The following CES5A variants were observed in gnomAD, a reference collection of about 807,000 sequenced individuals.
CES5A encodes carboxylesterase 5.
CES5A carries 67 observed loss-of-function variants against 62.9 expected under a neutral mutation model. That is an observed-to-expected ratio of 1.07 (90% CI 0.88 to 1.31). The LOEUF (loss-of-function observed/expected upper bound fraction) is 1.31, where lower values mean the gene tolerates loss of function less well. Ranked by LOEUF, CES5A falls within the 50% of genes most tolerant of loss-of-function variation. The pLI is 0.00. For synonymous variants in CES5A, 296 were observed against 280.8 expected (o/e 1.05, Z -0.54); for missense variants, 748 against 708.5 (o/e 1.06, Z -0.63).
At chr16:55,915,809 T>C (rs1396498652) in intron 1 of CES5A, among the ~76,000 whole-genome samples, 2 of 152,222 alleles carry the variant, frequency 1.3e-5, no homozygotes, top group African/African-American at 4.8e-5. Context: ...GCATGATGTC[T>C]GACTTGATGA....
chr16:55,944,256 C>A, intron 2 of CES5A: 1 of 608,808 alleles, frequency 1.6e-6, no homozygotes. Flanking sequence ...TTTTGCCTCA[C>A]CCATAAAATG....
chr16:55,904,274 G>A (rs1398113354), intron 1 of CES5A, among the ~76,000 whole-genome samples: 1 of 152,236 alleles, frequency 6.6e-6, no homozygotes, highest in Non-Finnish European at 1.5e-5. Context: ...CCAAAGCCAA[G>A]GCTAGAAATG....
chr16:55,899,349 G>T (rs1555484516), intron 1 of CES5A, among the ~76,000 whole-genome samples: 1 of 152,164 alleles, frequency 6.6e-6, no homozygotes, highest in African/African-American at 2.4e-5. Flanking sequence ...GGCTAGAAAA[G>T]CACCTTGCCC....
At chr16:55,855,542 G>A (rs1160764884) in intron 9 of CES5A, among the ~76,000 whole-genome samples, 1 of 152,210 alleles carries the variant, frequency 6.6e-6, no homozygotes, top group East Asian at 1.9e-4. Flanking sequence ...AGCATTCAGA[G>A]CTTTTCAGAC....
At chr16:55,861,698 C>A (rs2033355282) in intron 6 of CES5A, among the ~76,000 whole-genome samples, 182 bp from the exon 7 acceptor site, 1 of 152,212 alleles carries the variant, frequency 6.6e-6, no homozygotes, top group East Asian at 1.9e-4. Context: ...TTTCCCACTG[C>A]ATCACCCTCA....
chr16:55,949,838 G>A, exon 2 of CES5A: 2 of 1,526,722 alleles, frequency 1.3e-6, no homozygotes, highest in South Asian at 2.4e-5. Flanking sequence ...ATACAAAGTT[G>A]AGGAGGCTGG....
Position 55,859,623 on chromosome 16 carries a change from A to T in CES5A, c.980T>A (p.Leu327Ter). The T allele has an allele frequency of 1.9e-6, 3 of 1,613,722 alleles. No individual in the cohort carries two copies. Among genetic ancestry groups the T allele is most frequent in the Non-Finnish European group, 2.5e-6 (3 of 1,179,756 alleles). The part of the protein sequence containing the change: ...AFFPNEPLDL[L>*]SQKAFKAIPS... ...AATTGCTTTAAATGCTTTCTGAGAC[A>T]ATAGATCTAGAGGCTCATTAGGAAA... Residue 327 changes from leucine (L) to a stop codon, truncating the protein, a stop_gained, in exon 8 of 13, where the codon TTG (leucine) becomes TAG (stop). Transcript: ENST00000290567. LOFTEE classifies it high-confidence loss of function.
At chr16:55,915,536 G>A (rs2034139557) in intron 1 of CES5A, among the ~76,000 whole-genome samples, 2 of 152,064 alleles carry the variant, frequency 1.3e-5, no homozygotes, top group African/African-American at 4.8e-5. Context: ...AGAGTTGGAG[G>A]AGAAATAGCA....
intron 2 of CES5A, among the ~76,000 whole-genome samples, chr16:55,933,842 C>G (rs1306183092): frequency 1.3e-5 from 2 of 152,068 alleles, no homozygotes; most frequent in Non-Finnish European, 2.9e-5. Context: ...ACAGCAAAGA[C>G]TAAAACCACA....
intron 2 of CES5A, among the ~76,000 whole-genome samples, chr16:55,941,468 AC>A (rs1417750157): frequency 6.6e-6 from 1 of 152,068 alleles, no homozygotes; most frequent in Admixed American, 6.5e-5. Context: ...GTTAAAGAAG[AC>A]CTCAATAAAT....
chr16:55,954,781 A>G (rs1475655281), intron 1 of CES5A, among the ~76,000 whole-genome samples: 1 of 152,186 alleles, frequency 6.6e-6, no homozygotes, highest in Admixed American at 6.5e-5. Context: ...TCTTCTACAT[A>G]CAATCCCTTC....
At chr16:55,951,508 A>G (rs536516513) in intron 1 of CES5A, among the ~76,000 whole-genome samples, 1 of 152,312 alleles carries the variant, frequency 6.6e-6, no homozygotes, top group East Asian at 1.9e-4. Flanking sequence ...TAAATGGAAA[A>G]TCTTAGATTT....
intron 2 of CES5A, among the ~76,000 whole-genome samples, chr16:55,940,740 C>A (rs1357438582): frequency 6.6e-6 from 1 of 151,644 alleles, no homozygotes; most frequent in Admixed American, 6.6e-5. Flanking sequence ...GACTAATATC[C>A]TTCATAAATA....
chr16:55,863,122 G>T (rs1394671227), intron 6 of CES5A, among the ~76,000 whole-genome samples: 1 of 152,148 alleles, frequency 6.6e-6, no homozygotes, highest in Non-Finnish European at 1.5e-5. Flanking sequence ...GAACCATAAC[G>T]CACATACACA....
chr16:55,944,205 G>A lies in CES5A; in HGVS notation c.160+5580C>T, dbSNP rs1279573138. 2.4e-5 allele frequency: 16 copies of A among 679,822 alleles called. No homozygotes were observed. In the East Asian group the frequency reaches 4.0e-4, roughly 17 times the overall value. The allele number at this position is 679,822 out of a possible 1,614,324, so 42.1% of individuals were successfully genotyped here. A position where few individuals can be genotyped will look rare whatever the true frequency, so the allele number is the denominator to read the frequency against. On this transcript the variant is annotated intron_variant, in intron 2 of 13. Coordinates refer to the CES5A transcript ENST00000521992. ...CCCAGTCCTGGTTCCATCAATAGCT[G>A]ACAGTACGACTCTGAACAAGACCCC...
intron 8 of CES5A, among the ~76,000 whole-genome samples, chr16:55,857,554 T>A (rs2033267357): frequency 4.6e-5 from 7 of 152,212 alleles, no homozygotes. Context: ...ATTTAAATTA[T>A]CCACAAGCAT....
chr16:55,943,265 C>T (rs1418038324), intron 2 of CES5A, among the ~76,000 whole-genome samples: 1 of 152,218 alleles, frequency 6.6e-6, no homozygotes, highest in Non-Finnish European at 1.5e-5. Context: ...GTAATCTTCT[C>T]ATCAACCCCA....
At chr16:55,879,870 G>A (rs1004252721), upstream of CES5A, among the ~76,000 whole-genome samples, 4 of 152,204 alleles carry the variant, frequency 2.6e-5, no homozygotes, top group Admixed American at 6.5e-5. Context: ...TGGGATTACA[G>A]GGGTGTGGCC....
At chr16:55,923,567 A>C (rs113142025) in intron 1 of CES5A, among the ~76,000 whole-genome samples, 3 of 152,028 alleles carry the variant, frequency 2.0e-5, no homozygotes, top group African/African-American at 7.2e-5. Context: ...TGATAGCTTC[A>C]CTGATGAATT....
Sources: allele counts gnomAD v4.1 joint callset (sites outside exome capture counted in the v4.1 genomes callset), GRCh38; gene constraint gnomAD v4.1.1; transcripts MANE v1.5; gene names NCBI Gene and HGNC (gene_info 2026-07-23, HGNC 2026-07-21).